Variants in RBFOX1 observed in about 807,000 individuals in gnomAD.
RBFOX1 encodes RNA binding protein fox-1 homolog 1.
In RBFOX1, 8 loss-of-function variants were observed where a neutral mutation model predicts 57.7. The observed-to-expected ratio is 0.14, with a 90% confidence interval of 0.08 to 0.25. The LOEUF is 0.25. Ranked by LOEUF, RBFOX1 falls within the 10% of genes least tolerant of loss-of-function variation. RBFOX1 has a pLI of 1.00. For missense variants in RBFOX1, 611 were observed against 548.5 expected (o/e 1.11, Z -1.14); for synonymous variants, 326 against 222.4 (o/e 1.47, Z -4.15).
intron 1 of RBFOX1, among the ~76,000 whole-genome samples, chr16:6,139,726 C>G (rs1054227388): frequency 5.9e-5 from 9 of 152,206 alleles, no homozygotes; most frequent in African/African-American, 1.9e-4. Flanking sequence ...CTTCCTCACT[C>G]TTTCTGTTTC....
chr16:7,482,385 A>C (rs1599582621), intron 4 of RBFOX1, among the ~76,000 whole-genome samples: 2 of 152,276 alleles, frequency 1.3e-5, no homozygotes, highest in South Asian at 4.1e-4. Flanking sequence ...CACAGCTGAC[A>C]GTGATTGCTG....
chr16:6,919,492 A>C (rs2073986151), intron 3 of RBFOX1, among the ~76,000 whole-genome samples: 1 of 152,084 alleles, frequency 6.6e-6, no homozygotes, highest in African/African-American at 2.4e-5. Flanking sequence ...CACACTAATA[A>C]AGAGTAGACC....
chr16:7,240,575 G>A (rs1227925242), intron 4 of RBFOX1, among the ~76,000 whole-genome samples: 1 of 152,056 alleles, frequency 6.6e-6, no homozygotes, highest in Non-Finnish European at 1.5e-5. Flanking sequence ...TTTGTTTTGA[G>A]ACAGGGTCTC....
intron 5 of RBFOX1, among the ~76,000 whole-genome samples, chr16:7,532,372 C>T (rs2080322244): frequency 6.6e-6 from 1 of 152,124 alleles, no homozygotes; most frequent in Non-Finnish European, 1.5e-5. Context: ...GTTTCTGTGA[C>T]TCCAGAAGGC....
At chr16:7,702,768 G>T (rs756669114) in intron 14 of RBFOX1, among the ~76,000 whole-genome samples, 1 of 152,142 alleles carries the variant, frequency 6.6e-6, no homozygotes, top group East Asian at 1.9e-4. Context: ...CAGTTCCTCC[G>T]GATGGGCAAA....
At chr16:7,168,760 C>G (rs1041731481) in intron 4 of RBFOX1, among the ~76,000 whole-genome samples, 1 of 152,150 alleles carries the variant, frequency 6.6e-6, no homozygotes, top group Non-Finnish European at 1.5e-5. Context: ...TTTATTCACT[C>G]CATAATGTAC....
intron 3 of RBFOX1, among the ~76,000 whole-genome samples, chr16:5,633,469 A>G (rs973935146): frequency 2.2e-4 from 34 of 152,206 alleles, no homozygotes; most frequent in Admixed American, 6.5e-5. Context: ...TCTCTACCCA[A>G]TATGTAGTCT....
chr16:6,728,488 A>G (rs1430987765), intron 3 of RBFOX1, among the ~76,000 whole-genome samples: 1 of 152,194 alleles, frequency 6.6e-6, no homozygotes, highest in African/African-American at 2.4e-5. Context: ...TACATAATAT[A>G]AAGGGAAGAT....
chr16:5,545,244 C>G (rs2045143602), intron 2 of RBFOX1, among the ~76,000 whole-genome samples: 1 of 152,112 alleles, frequency 6.6e-6, no homozygotes, highest in South Asian at 2.1e-4. Context: ...TCCCAAAGTG[C>G]TGGGATTACA....
At chr16:7,351,235 C>A (rs1016642828) in intron 4 of RBFOX1, among the ~76,000 whole-genome samples, 4 of 152,220 alleles carry the variant, frequency 2.6e-5, no homozygotes, top group African/African-American at 9.6e-5. Flanking sequence ...TGAACAGGTT[C>A]TTTTACCTCT....
intron 4 of RBFOX1, among the ~76,000 whole-genome samples, chr16:7,234,648 T>G (rs1366124020): frequency 1.4e-5 from 2 of 146,458 alleles, no homozygotes; most frequent in African/African-American, 2.6e-5. Flanking sequence ...ATGTGTGTGT[T>G]TGTGTGTATG....
At chr16:6,345,823 G>A (rs1370703047) in intron 2 of RBFOX1, among the ~76,000 whole-genome samples, 2 of 152,206 alleles carry the variant, frequency 1.3e-5, no homozygotes, top group Non-Finnish European at 2.9e-5. Flanking sequence ...CTGACGACAT[G>A]TGCGCAAGGT....
chr16:7,296,312 T>C (rs1394707293), intron 4 of RBFOX1, among the ~76,000 whole-genome samples: 1 of 151,168 alleles, frequency 6.6e-6, no homozygotes, highest in African/African-American at 2.4e-5. Flanking sequence ...TTTTATTAAA[T>C]GCTTATGACA....
chr16:7,609,151 A>G (rs1057425102), intron 10 of RBFOX1, among the ~76,000 whole-genome samples: 8 of 152,178 alleles, frequency 5.3e-5, no homozygotes, highest in African/African-American at 1.9e-4. Flanking sequence ...TAGACTAAAG[A>G]AATGTCAGTT....
At chr16:6,962,310 A>C (rs887540520) in intron 3 of RBFOX1, among the ~76,000 whole-genome samples, 2 of 152,158 alleles carry the variant, frequency 1.3e-5, no homozygotes, top group African/African-American at 2.4e-5. Flanking sequence ...GGACAATCTC[A>C]TCTTGAGATC....
chr16:5,418,615 G>T (rs28672319), intron 1 of RBFOX1, among the ~76,000 whole-genome samples: 13,101 of 151,916 alleles, frequency 0.086, 1,568 homozygotes, highest in African/African-American at 0.27. Flanking sequence ...GGACGAAGAT[G>T]ACTTCCTAAC....
intron 3 of RBFOX1, among the ~76,000 whole-genome samples, chr16:5,801,054 G>C (rs74004604): frequency 0.013 from 1,976 of 152,198 alleles, 46 homozygotes; most frequent in African/African-American, 0.046. Context: ...TGCCACTTTT[G>C]ATGAAGACAC....
intron 3 of RBFOX1, among the ~76,000 whole-genome samples, chr16:6,783,440 G>C (rs1327055917): frequency 1.4e-5 from 1 of 72,536 alleles, no homozygotes; most frequent in African/African-American, 4.7e-5. Flanking sequence ...CATGAAGCTT[G>C]CAAAAAAAAA....
intron 4 of RBFOX1, among the ~76,000 whole-genome samples, chr16:5,932,038 A>C (rs1208348205): frequency 6.6e-6 from 1 of 152,070 alleles, no homozygotes; most frequent in East Asian, 1.9e-4. Flanking sequence ...TCTTGGACTC[A>C]AGCAGTCCTC....
Sources: allele counts gnomAD v4.1 joint callset (sites outside exome capture counted in the v4.1 genomes callset), GRCh38; gene constraint gnomAD v4.1.1; transcripts MANE v1.5; gene names NCBI Gene and HGNC (gene_info 2026-07-23, HGNC 2026-07-21).